The following SLC25A1 variants were observed in gnomAD, a reference collection of about 807,000 sequenced individuals.
SLC25A1 encodes the protein tricarboxylate transport protein, mitochondrial.
SLC25A1 carries 26 observed loss-of-function variants against 38.1 expected under a neutral mutation model. That is an observed-to-expected ratio of 0.68 (90% CI 0.50 to 0.95). The LOEUF is 0.95. SLC25A1 is among the 40% of genes least tolerant of loss of function. The pLI is 0.00. For synonymous variants in SLC25A1, 211 were observed against 183.2 expected, an observed-to-expected ratio of 1.15 and a Z score of -1.23; for missense variants, 378 against 426.6, an observed-to-expected ratio of 0.89 and a Z score of 1.00.
chr22:19,177,128 C>G lies in SLC25A1; in HGVS notation c.518G>C (p.Arg173Pro). ...AAGGTCGAGTGGCTCACCTTGTTCC[C>G]GCACAATCTCCCTAACCCCGTGGAA... is the stretch of plus-strand genomic sequence containing the variant. Reference protein sequence around the residue: ...GFFHGVREIVREQGLKGTYQG... With the variant: ...GFFHGVREIVPEQGLKGTYQG... The change falls in exon 5 of 9, where the codon CGG (arginine) becomes CCG (proline). Residue 173 changes from arginine to proline, a missense_variant. Coordinates refer to ENST00000215882, the MANE Select transcript of SLC25A1 (RefSeq NM_005984.5). 6.2e-7 allele frequency: 1 copy of G among 1,613,944 alleles called. No individual in the cohort carries two copies. The highest frequency in any genetic ancestry group is 8.5e-7 in the Non-Finnish European group (1 of 1,179,840).
In SLC25A1 at chr22:19,177,126, C is replaced by T. The variant is rs139862803; in HGVS notation, c.520G>A (p.Glu174Lys). The change falls in exon 5 of 9, where the codon GAA becomes AAA. Residue 174 changes from glutamate to lysine, a missense_variant. Glu to Lys is a moderately conservative substitution (Grantham distance 56, BLOSUM62 1). Coordinates refer to ENST00000215882, the MANE Select transcript of SLC25A1 (RefSeq NM_005984.5). ...FFHGVREIVR[E>K]QGLKGTYQGL... ...GGAAGGTCGAGTGGCTCACCTTGTT[C>T]CCGCACAATCTCCCTAACCCCGTGG... 9 of 1,613,802 alleles carry T rather than the reference C, an allele frequency of 5.6e-6. No homozygotes were observed. In the African/African-American group the frequency reaches 1.1e-4, roughly 19 times the overall value.
Position 19,178,252 on chromosome 22 carries a change from G to C in SLC25A1, c.95-12C>G, listed in dbSNP as rs782004863. 8 of 1,544,530 alleles carry C rather than the reference G, an allele frequency of 5.2e-6. No individual in the cohort carries two copies. The South Asian group carries it at 6.0e-5, about 12-fold the overall frequency. On this transcript the variant is annotated splice_polypyrimidine_tract_variant and intron_variant, in intron 1 of 8. Coordinates refer to ENST00000215882, the MANE Select transcript of SLC25A1 (RefSeq NM_005984.5). The surrounding 1 kb of genome is among the most constrained non-coding windows in gnomAD (Gnocchi z 4.9). Reference sequence around the variant, plus strand: ...ACCCGCCAGGCCGCCTGCAGGGACCGGGAACCCGCTCCTGAGACTCCCGCC... The same window carrying C: ...ACCCGCCAGGCCGCCTGCAGGGACCCGGAACCCGCTCCTGAGACTCCCGCC...
chr22:19,176,125 T>C lies in SLC25A1; in HGVS notation c.*5A>G, dbSNP rs2083955884. 2 of 1,612,910 alleles carry C rather than the reference T, an allele frequency of 1.2e-6. No homozygotes were observed. The highest frequency in any genetic ancestry group is 1.7e-4 in the Middle Eastern group (1 of 5,890). ...TGGGGCGGTCCCCTTGCGGCCTCTCTAGGCTTAGTCCGTCTTCCACACTTT... is the reference window on the plus strand; with the variant it reads ...TGGGGCGGTCCCCTTGCGGCCTCTCCAGGCTTAGTCCGTCTTCCACACTTT... On this transcript the variant is annotated 3_prime_UTR_variant, in exon 9 of 9. Coordinates refer to ENST00000215882, the MANE Select transcript of SLC25A1 (RefSeq NM_005984.5).
At position 19,176,194 on chromosome 22, in the gene SLC25A1, G is replaced by A. The variant is rs1470275081; in HGVS notation, c.872C>T (p.Ala291Val). Reference sequence around the variant, plus strand: ...TTCATCATAGATGACAAACACTATGGCCACATCCAGGCAGACCCGGCCCAG... The same window carrying A: ...TTCATCATAGATGACAAACACTATGACCACATCCAGGCAGACCCGGCCCAG... Reference protein sequence around the residue: ...PRLGRVCLDVAIVFVIYDEVV... With the variant: ...PRLGRVCLDVVIVFVIYDEVV... Residue 291 changes from alanine (A) to valine (V), a missense_variant, in exon 9 of 9, where the codon GCC becomes GTC. Transcript: ENST00000215882. 6.2e-7 allele frequency: 1 copy of A among 1,613,542 alleles called. No individual in the cohort carries two copies. Among genetic ancestry groups the A allele is most frequent in the Non-Finnish European group, 8.5e-7 (1 of 1,180,012 alleles).
chr22:19,177,337 G>T, intron 4 of SLC25A1, 133 bp from the exon 5 acceptor site: 1 of 697,806 alleles, frequency 1.4e-6, no homozygotes, highest in Non-Finnish European at 2.5e-6. Context: ...AGCCAAGGCC[G>T]CCCTGGGCTG....
chr22:19,176,400 C>G, intron 8 of SLC25A1, 21 bp downstream of exon 8: 1 of 1,610,366 alleles, frequency 6.2e-7, no homozygotes, highest in Non-Finnish European at 8.5e-7. Context: ...GGGACAATAG[C>G]CCTGCCCCTC....
In SLC25A1 at chr22:19,176,937, C is replaced by T. The variant is rs143022471; in HGVS notation, c.540G>A (p.Thr180=). 79 of 1,613,442 alleles carry T rather than the reference C, an allele frequency of 4.9e-5. 1 individual carries two copies. The highest frequency in any genetic ancestry group is 4.3e-4 in the African/African-American group (32 of 74,920). ...EIVREQGLKG[T]YQGLTATVLK... ...GGACAGTGGCTGTGAGGCCCTGGTA[C>T]GTCCCCTTCAGCCCTGCGGGAAGGC... Residue 180 remains threonine (T), a synonymous_variant, in exon 6 of 9, where the codon ACG becomes ACA. Transcript: ENST00000215882.
chr22:19,175,782 C>T lies in SLC25A1; in HGVS notation c.*348G>A, dbSNP rs1337720352. Reference sequence around the variant, plus strand: ...TAGGCCAGGGCAGGGTGGAAGGCACCGGACTGGGACCGGGCCAGGGCTACA... The same window carrying T: ...TAGGCCAGGGCAGGGTGGAAGGCACTGGACTGGGACCGGGCCAGGGCTACA... On this transcript the variant is annotated 3_prime_UTR_variant, in exon 9 of 9. Coordinates refer to ENST00000215882, the MANE Select transcript of SLC25A1 (RefSeq NM_005984.5). 6.6e-5 allele frequency: 12 copies of T among 182,686 alleles called. No individual in the cohort carries two copies. The highest frequency in any genetic ancestry group is 1.1e-4 in the Non-Finnish European group (11 of 98,192). 11.3% of individuals were successfully genotyped at this position (182,686 alleles called of 1,614,324 possible).
Position 19,176,640 on chromosome 22 carries a change from T to C in SLC25A1, c.685A>G (p.Ile229Val). 6.2e-7 allele frequency: 1 copy of C among 1,613,908 alleles called. No individual in the cohort carries two copies. Among genetic ancestry groups the C allele is most frequent in the East Asian group, 2.2e-5 (1 of 44,862 alleles). Reference sequence around the variant, plus strand: ...CCAAAGACACTGGCTGCGCCTGCAATAGCTCCGAAGACCCCAGTGATCAGA... The same window carrying C: ...CCAAAGACACTGGCTGCGCCTGCAACAGCTCCGAAGACCCCAGTGATCAGA... ...NPLITGVFGA[I>V]AGAASVFGNT... is the part of the protein sequence containing the mutation. The change falls in exon 7 of 9, where the codon ATT becomes GTT. Residue 229 changes from isoleucine to valine, a missense_variant. Transcript: ENST00000215882.
chr22:19,176,006 C>T lies in SLC25A1; in HGVS notation c.*124G>A. The T allele has an allele frequency of 1.5e-6, 1 of 686,890 alleles. No individual in the cohort carries two copies. Among genetic ancestry groups the T allele is most frequent in the Non-Finnish European group, 2.5e-6 (1 of 394,602 alleles). 42.5% of individuals were successfully genotyped at this position (686,890 alleles called of 1,614,324 possible). The stretch of plus-strand genomic sequence containing the variant: ...GATTTGACAGCCACAATGCACAGAC[C>T]AGGCTACAGAGCTCGAGGGACGTGG... On this transcript the variant is annotated 3_prime_UTR_variant, in exon 9 of 9. Coordinates refer to ENST00000215882, the MANE Select transcript of SLC25A1 (RefSeq NM_005984.5).
At position 19,178,046 on chromosome 22, in the gene SLC25A1, G is replaced by T; in HGVS notation, c.203-5C>A. 1 of 1,580,672 alleles carries T rather than the reference G, an allele frequency of 6.3e-7. No individual in the cohort carries two copies. The highest frequency in any genetic ancestry group is 8.6e-7 in the Non-Finnish European group (1 of 1,165,966). ...CCGTCTGCCGCACGCAGTCCCCTGG[G>T]GGAGGGGGCGGTCAGGACCCCACGG... On this transcript the variant is annotated splice_region_variant and splice_polypyrimidine_tract_variant and intron_variant, in intron 2 of 8. Coordinates refer to ENST00000215882, the MANE Select transcript of SLC25A1 (RefSeq NM_005984.5). This position sits in a 1 kb window ranked among gnomAD's most constrained non-coding sequence, Gnocchi z 4.9.
At chr22:19,177,311 C>A in intron 4 of SLC25A1, 107 bp from the exon 5 acceptor site, 1 of 927,912 alleles carries the variant, frequency 1.1e-6, no homozygotes, top group East Asian at 2.6e-5. Flanking sequence ...GGGAACTCTT[C>A]CCCAGGAAGC....
rs2083956833 is a variant in SLC25A1, at chr22:19,176,180, T to C, written c.886A>G (p.Ile296Val). The C allele has an allele frequency of 4.3e-6, 7 of 1,613,828 alleles. No homozygotes were observed. The highest frequency in any genetic ancestry group is 5.9e-6 in the Non-Finnish European group (7 of 1,180,024). ...VCLDVAIVFV[I>V]YDEVVKLLNK... ...AGCAGCTTCACCACTTCATCATAGATGACAAACACTATGGCCACATCCAGG... is the reference window on the plus strand; with the variant it reads ...AGCAGCTTCACCACTTCATCATAGACGACAAACACTATGGCCACATCCAGG... Residue 296 changes from isoleucine to valine, a missense_variant, in exon 9 of 9, where the codon ATC (isoleucine) becomes GTC (valine). By Grantham distance (29) the Ile-to-Val change is conservative. Transcript: ENST00000215882.
rs368647424 is a variant in SLC25A1 at position 19,177,779 on chromosome 22, C to T, written c.389G>A (p.Gly130Asp). 1.4e-5 allele frequency: 23 copies of T among 1,610,334 alleles called. No homozygotes were observed. Residue 130 changes from glycine (G) to aspartate (D), a missense_variant, in exon 4 of 9, where the codon GGC (glycine) becomes GAC (aspartate). Coordinates refer to ENST00000215882, the MANE Select transcript of SLC25A1 (RefSeq NM_005984.5). ...DSTRGLLCGL[G>D]AGVAEAVVVV... ...CACCACGGCCTCGGCCACGCCAGCG[C>T]CCAGGCCGCACAGCAGCCCACGCGT...
Position 19,176,510 on chromosome 22 carries a change from G to A in SLC25A1, c.748-16C>T, listed in dbSNP as rs374624887. The A allele has an allele frequency of 1.1e-5, 18 of 1,613,480 alleles. No homozygotes were observed. The highest frequency in any genetic ancestry group is 1.4e-5 in the Non-Finnish European group (17 of 1,179,832). On this transcript the variant is annotated splice_polypyrimidine_tract_variant and intron_variant, in intron 7 of 8. Transcript: ENST00000215882. ...CCTCCAGGCCCTATGGGGGACATCA[G>A]CAGGCAGGGGCTCAGCAGCTAGCTC... is the stretch of plus-strand genomic sequence containing the variant.
In SLC25A1 at chr22:19,176,065, G is replaced by T. The variant is rs75047673; in HGVS notation, c.*65C>A. Reference sequence around the variant, plus strand: ...CTTTTGGCACTACTGCACTGGAATCGTGAGACAAAGGTAGCAGGACACTCT... The same window carrying T: ...CTTTTGGCACTACTGCACTGGAATCTTGAGACAAAGGTAGCAGGACACTCT... On this transcript the variant is annotated 3_prime_UTR_variant, in exon 9 of 9. Transcript: ENST00000215882. 4 of 1,036,418 alleles carry T rather than the reference G, an allele frequency of 3.9e-6. No homozygotes were observed. The highest frequency in any genetic ancestry group is 5.3e-6 in the Non-Finnish European group (4 of 749,136). The allele number at this position is 1,036,418 out of a possible 1,614,324, so 64.2% of individuals were successfully genotyped here.
intron 4 of SLC25A1, 117 bp from the exon 5 acceptor site, chr22:19,177,321 C>T: frequency 1.2e-6 from 1 of 861,358 alleles, no homozygotes; most frequent in Non-Finnish European, 1.8e-6. Context: ...CCCCAGGAAG[C>T]AGTGCAGCCA....
rs1430014907 is a variant in SLC25A1, at chr22:19,178,424, G to A, written c.94+156C>T. The A allele has an allele frequency of 1.5e-6, 2 of 1,377,542 alleles. No homozygotes were observed. Among genetic ancestry groups the A allele is most frequent in the East Asian group, 3.0e-5 (1 of 33,856 alleles). The allele number at this position is 1,377,542 out of a possible 1,614,324, so 85.3% of individuals were successfully genotyped here. ...GCGAGGCGCAGGGGGTGACAGACGG[G>A]AGGCGGGCGAGTCCCAGCGCGCCGG... On this transcript the variant is annotated intron_variant, in intron 1 of 8. Transcript: ENST00000215882. This position sits in a 1 kb window ranked among gnomAD's most constrained non-coding sequence, Gnocchi z 4.9.
Position 19,176,188 on chromosome 22 carries a change from A to G in SLC25A1, c.878T>C (p.Val293Ala). Residue 293 changes from valine (V) to alanine (A), a missense_variant, in exon 9 of 9, where the codon GTG becomes GCG. Transcript: ENST00000215882. ...LGRVCLDVAI[V>A]FVIYDEVVKL... ...CACCACTTCATCATAGATGACAAACACTATGGCCACATCCAGGCAGACCCG... is the reference window on the plus strand; with the variant it reads ...CACCACTTCATCATAGATGACAAACGCTATGGCCACATCCAGGCAGACCCG... The G allele has an allele frequency of 6.2e-7, 1 of 1,613,452 alleles. No homozygotes were observed. Among genetic ancestry groups the G allele is most frequent in the African/African-American group, 1.3e-5 (1 of 74,926 alleles).
Sources: allele counts gnomAD v4.1 joint callset, GRCh38; gene constraint gnomAD v4.1.1; non-coding constraint Gnocchi (gnomAD v3.1); transcripts MANE v1.5; gene names NCBI Gene and HGNC (gene_info 2026-07-23, HGNC 2026-07-21).